The following HEATR5A variants were observed in gnomAD, a reference collection of about 807,000 sequenced individuals.
The protein encoded by HEATR5A is HEAT repeat-containing protein 5A.
HEATR5A carries 178 observed loss-of-function variants against 218.8 expected under a neutral mutation model. The observed-to-expected ratio is 0.81, with a 90% CI of 0.72 to 0.92. HEATR5A has a LOEUF of 0.92. Among genes scored for constraint, HEATR5A ranks in the 40% least tolerant of loss-of-function variants. The pLI, the probability that HEATR5A is intolerant of heterozygous loss-of-function variation, is 0.00. For synonymous variants in HEATR5A, 864 were observed against 871.6 expected (o/e 0.99, Z 0.15); for missense variants, 2,420 against 2,418.9 (o/e 1.00, Z -0.01).
chr14:31,301,419 C>T (rs533862870), intron 33 of HEATR5A, among the ~76,000 whole-genome samples: 3 of 152,054 alleles, frequency 2.0e-5, no homozygotes, highest in South Asian at 2.1e-4. Flanking sequence ...CTGCACCCGA[C>T]GAAAAACAAG....
At chr14:31,358,101 G>A (rs571957287) in intron 16 of HEATR5A, among the ~76,000 whole-genome samples, 14 of 152,274 alleles carry the variant, frequency 9.2e-5, no homozygotes, top group Admixed American at 2.0e-4. Context: ...GATCTGAGGT[G>A]GAATAGTTTT....
At chr14:31,327,689 A>G (rs1399428815) in intron 22 of HEATR5A, among the ~76,000 whole-genome samples, 2 of 152,232 alleles carry the variant, frequency 1.3e-5, no homozygotes, top group African/African-American at 4.8e-5. Context: ...AAGCTCAAAC[A>G]GAAAACAAAC....
intron 12 of HEATR5A, among the ~76,000 whole-genome samples, chr14:31,373,343 T>TC (rs1902109050): frequency 6.6e-6 from 1 of 151,880 alleles, no homozygotes; most frequent in Non-Finnish European, 1.5e-5. Flanking sequence ...TTTTTTTTTT[T>TC]CTGAGATGGA....
At chr14:31,347,664 T>C in intron 19 of HEATR5A, 84 bp downstream of exon 19, 2 of 1,019,940 alleles carry the variant, frequency 2.0e-6, no homozygotes, top group South Asian at 4.0e-5. Context: ...ACTATATTCA[T>C]AAATTATTAA....
Position 31,364,173 on chromosome 14 carries a change from G to A in HEATR5A, c.2071+16C>T, listed in dbSNP as rs766373529. On this transcript the variant is annotated intron_variant, in intron 14 of 35. Transcript: ENST00000543095. ...CTAGCCACAAACAAAAAAACATTTT[G>A]GTCTAAGGCACATACCTTCATAGGT... 3.4e-5 allele frequency: 39 copies of A among 1,132,116 alleles called. 1 individual carries two copies. Among genetic ancestry groups the A allele is most frequent in the South Asian group, 1.1e-4 (7 of 66,020 alleles). 70.1% of individuals were successfully genotyped at this position (1,132,116 alleles called of 1,614,324 possible).
chr14:31,343,911 C>A lies in HEATR5A; in HGVS notation c.3213G>T (p.Leu1071=). The stretch of plus-strand genomic sequence containing the variant: ...CTATACTCACACAGAGGCAGCTAAC[C>A]AGGCTAGACAAGTTGACATGTCGTG... The part of the protein sequence containing the change: ...FAPRHVNLSS[L]VSCLCVNLCS... The change falls in exon 21 of 36, where the codon CTG becomes CTT. Residue 1071 remains leucine, a synonymous_variant. Coordinates refer to ENST00000543095, the MANE Select transcript of HEATR5A (RefSeq NM_015473.4). 1.3e-6 allele frequency: 2 copies of A among 1,596,732 alleles called. No homozygotes were observed. Among genetic ancestry groups the A allele is most frequent in the Non-Finnish European group, 1.7e-6 (2 of 1,174,404 alleles).
At chr14:31,344,584 A>G (rs542641318) in intron 20 of HEATR5A, among the ~76,000 whole-genome samples, 1 of 147,462 alleles carries the variant, frequency 6.8e-6, no homozygotes, top group East Asian at 1.9e-4. Context: ...CGCCTGACCT[A>G]CTTTAGTTAT....
intron 16 of HEATR5A, 75 bp downstream of exon 16, chr14:31,358,562 A>G: frequency 7.8e-7 from 1 of 1,290,164 alleles, no homozygotes; most frequent in Non-Finnish European, 1.1e-6. Context: ...ATTTACGCTA[A>G]TGAGATCTCT....
At chr14:31,321,293 G>C (rs778613252) in intron 25 of HEATR5A, among the ~76,000 whole-genome samples, 5 of 151,956 alleles carry the variant, frequency 3.3e-5, no homozygotes, top group Non-Finnish European at 5.9e-5. Context: ...GACTACCGGT[G>C]CACTCCACCA....
At chr14:31,325,634 G>A (rs1012704646) in intron 23 of HEATR5A, among the ~76,000 whole-genome samples, 2 of 151,850 alleles carry the variant, frequency 1.3e-5, no homozygotes, top group Middle Eastern at 3.4e-3. Context: ...TTAGCTTCCC[G>A]AGCAGCTGGG....
At chr14:31,372,823 G>A (rs149889427) in intron 12 of HEATR5A, among the ~76,000 whole-genome samples, 7 of 151,994 alleles carry the variant, frequency 4.6e-5, no homozygotes, top group African/African-American at 9.7e-5. Context: ...GTGAAACTCC[G>A]TCTCAAAAAC....
At chr14:31,305,323 CAT>C in intron 31 of HEATR5A, 146 bp from the exon 32 acceptor site, 1 of 805,870 alleles carries the variant, frequency 1.2e-6, no homozygotes, top group Non-Finnish European at 1.9e-6. Flanking sequence ...AGTGCAATGG[CAT>C]GATCTCGGCT....
At chr14:31,411,654 C>T (rs2031276198) in intron 1 of HEATR5A, among the ~76,000 whole-genome samples, 1 of 152,120 alleles carries the variant, frequency 6.6e-6, no homozygotes, top group African/African-American at 2.4e-5. Flanking sequence ...CTATGTACTG[C>T]CAAGAGGGTG....
At chr14:31,309,293 C>A in intron 28 of HEATR5A, 111 bp from the exon 29 acceptor site, 3 of 1,191,666 alleles carry the variant, frequency 2.5e-6, no homozygotes, top group East Asian at 2.4e-5. Context: ...CCCTTGTACC[C>A]TTTTTCAGTC....
At chr14:31,405,071 A>AAAG (rs1335068854) in intron 1 of HEATR5A, among the ~76,000 whole-genome samples, 1 of 151,400 alleles carries the variant, frequency 6.6e-6, no homozygotes, top group Non-Finnish European at 1.5e-5. Context: ...AAAAAAAAAA[A>AAAG]AAAAAAAGAC....
chr14:31,307,642 A>G (rs1022026268), intron 30 of HEATR5A, among the ~76,000 whole-genome samples: 1 of 152,244 alleles, frequency 6.6e-6, no homozygotes, highest in African/African-American at 2.4e-5. Context: ...TGTCCTGGAC[A>G]ATGCAATATA....
intron 12 of HEATR5A, among the ~76,000 whole-genome samples, chr14:31,372,834 A>C (rs895326032): frequency 1.3e-5 from 2 of 152,084 alleles, no homozygotes; most frequent in African/African-American, 4.8e-5. Flanking sequence ...TCTCAAAAAC[A>C]AAAAAACAAA....
intron 10 of HEATR5A, among the ~76,000 whole-genome samples, chr14:31,382,042 G>C (rs1421964609): frequency 6.6e-6 from 1 of 152,154 alleles, no homozygotes; most frequent in South Asian, 2.1e-4. Context: ...ACAGTCAATG[G>C]ATAGCACTCA....
At chr14:31,394,781 A>G (rs945485868) in intron 5 of HEATR5A, among the ~76,000 whole-genome samples, 7 of 152,142 alleles carry the variant, frequency 4.6e-5, no homozygotes, top group Admixed American at 2.6e-4. Flanking sequence ...TCGCGCCTCT[A>G]CACTCCAGCC....
Sources: allele counts gnomAD v4.1 joint callset (sites outside exome capture counted in the v4.1 genomes callset), GRCh38; gene constraint gnomAD v4.1.1; transcripts MANE v1.5; gene names NCBI Gene and HGNC (gene_info 2026-07-23, HGNC 2026-07-21).